GALNT1: variants seen among roughly 807,000 people sequenced by gnomAD.
GALNT1 encodes the protein GalNAc transferase 1.
A neutral mutation model predicts 65.7 loss-of-function variants in GALNT1; 17 were observed. That is an observed-to-expected ratio of 0.26 (90% CI 0.18 to 0.39). The LOEUF (loss-of-function observed/expected upper bound fraction) is 0.39. Ranked by LOEUF, GALNT1 falls within the 10% of genes least tolerant of loss-of-function variation. GALNT1 has a pLI of 1.00. For missense variants in GALNT1, 460 were observed against 672.8 expected (o/e 0.68, Z 3.50); for synonymous variants, 210 against 219.7 (o/e 0.96, Z 0.39).
At chr18:35,665,677 C>T (rs2047540199) in intron 3 of GALNT1, among the ~76,000 whole-genome samples, 1 of 152,188 alleles carries the variant, frequency 6.6e-6, no homozygotes, top group Non-Finnish European at 1.5e-5. Flanking sequence ...TCAGACTTCT[C>T]AGCAACTCTA....
intron 1 of GALNT1, among the ~76,000 whole-genome samples, chr18:35,642,534 T>C (rs926037892): frequency 6.6e-6 from 1 of 152,230 alleles, no homozygotes. Context: ...CATGTTCTTA[T>C]TGTTAAACCA....
intron 1 of GALNT1, among the ~76,000 whole-genome samples, chr18:35,630,207 T>G (rs1043345465): frequency 1.3e-5 from 2 of 152,168 alleles, no homozygotes; most frequent in African/African-American, 4.8e-5. Context: ...GTGGACCTAA[T>G]AGACATCTAC....
At chr18:35,630,387 G>A (rs1290486258) in intron 1 of GALNT1, among the ~76,000 whole-genome samples, 2 of 152,140 alleles carry the variant, frequency 1.3e-5, no homozygotes, top group Non-Finnish European at 2.9e-5. Flanking sequence ...CTAGAACTCA[G>A]GATTAAGAAA....
At chr18:35,632,618 A>G (rs1436147088) in intron 1 of GALNT1, among the ~76,000 whole-genome samples, 1 of 152,216 alleles carries the variant, frequency 6.6e-6, no homozygotes, top group Admixed American at 6.5e-5. Context: ...CCAAGGCAAT[A>G]CCATTCAGGA....
At chr18:35,671,382 A>G (rs1371378306) in intron 3 of GALNT1, among the ~76,000 whole-genome samples, 2 of 152,068 alleles carry the variant, frequency 1.3e-5, no homozygotes, top group South Asian at 2.1e-4. Flanking sequence ...ACACTCGGCT[A>G]ATTTTTTAAA....
At chr18:35,684,155 G>T (rs2047831221) in intron 5 of GALNT1, among the ~76,000 whole-genome samples, 1 of 152,192 alleles carries the variant, frequency 6.6e-6, no homozygotes, top group African/African-American at 2.4e-5. Context: ...CTTAGTTCTT[G>T]TGCATCAGGA....
intron 1 of GALNT1, among the ~76,000 whole-genome samples, chr18:35,604,649 C>T (rs1353925028): frequency 6.6e-6 from 1 of 152,168 alleles, no homozygotes; most frequent in Non-Finnish European, 1.5e-5. Context: ...TTTTGATTTG[C>T]ATTTCTCTAA....
At chr18:35,663,559 A>G (rs2047505644) in intron 2 of GALNT1, 69 bp from the exon 3 acceptor site, 7 of 1,474,768 alleles carry the variant, frequency 4.7e-6, no homozygotes, top group East Asian at 4.6e-5. Context: ...CACAAATGTT[A>G]TTAAATAGAA....
At chr18:35,584,803 A>G (rs574708428) in intron 1 of GALNT1, among the ~76,000 whole-genome samples, 2 of 152,234 alleles carry the variant, frequency 1.3e-5, no homozygotes, top group South Asian at 4.1e-4. Context: ...GCCGCTGGTG[A>G]TCTGACCGGA....
intron 1 of GALNT1, among the ~76,000 whole-genome samples, chr18:35,650,621 C>G (rs476409): frequency 1 from 151,604 of 152,310 alleles, 75,455 homozygotes; most frequent in East Asian, 1. Flanking sequence ...CCTTGGGAAA[C>G]CATTCTCTTT....
intron 2 of GALNT1, among the ~76,000 whole-genome samples, chr18:35,658,730 G>A (rs2047433022): frequency 7.1e-6 from 1 of 140,000 alleles, no homozygotes; most frequent in South Asian, 2.4e-4. Flanking sequence ...TTTTTTTAAA[G>A]ACAGAGTCTT....
chr18:35,688,308 C>G (rs1410983834), intron 6 of GALNT1, among the ~76,000 whole-genome samples: 1 of 152,016 alleles, frequency 6.6e-6, no homozygotes, highest in Non-Finnish European at 1.5e-5. Context: ...ACAACTGTTT[C>G]CTCTGGAAAG....
At chr18:35,696,833 G>C (rs1014559704) in intron 9 of GALNT1, among the ~76,000 whole-genome samples, 4 of 152,150 alleles carry the variant, frequency 2.6e-5, no homozygotes, top group Non-Finnish European at 5.9e-5. Context: ...AATCTAACCA[G>C]TATTTCCCTT....
chr18:35,604,037 A>G (rs562882383), intron 1 of GALNT1, among the ~76,000 whole-genome samples: 1 of 152,108 alleles, frequency 6.6e-6, no homozygotes, highest in East Asian at 1.9e-4. Context: ...TGTAGTGAGC[A>G]TAGTACTTGA....
At chr18:35,621,954 T>G (rs1380701239) in intron 1 of GALNT1, among the ~76,000 whole-genome samples, 1 of 152,190 alleles carries the variant, frequency 6.6e-6, no homozygotes. Context: ...TGTCTGCCTG[T>G]GTATGACACC....
At chr18:35,639,564 G>A (rs867458933) in intron 1 of GALNT1, among the ~76,000 whole-genome samples, 1 of 152,094 alleles carries the variant, frequency 6.6e-6, no homozygotes, top group South Asian at 2.1e-4. Context: ...TATGCCTGTA[G>A]CGAAACTTCA....
chr18:35,668,703 T>C (rs1393294960), intron 3 of GALNT1, among the ~76,000 whole-genome samples: 1 of 152,148 alleles, frequency 6.6e-6, no homozygotes, highest in East Asian at 1.9e-4. Flanking sequence ...TGCTATACAG[T>C]ATTGTGCCTG....
chr18:35,672,007 A>C (rs937947364), intron 3 of GALNT1, among the ~76,000 whole-genome samples: 1 of 152,100 alleles, frequency 6.6e-6, no homozygotes, highest in African/African-American at 2.4e-5. Flanking sequence ...TTCCTTTTCA[A>C]ATTGTCTCTA....
chr18:35,597,939 G>A (rs2046525146), intron 1 of GALNT1, among the ~76,000 whole-genome samples: 1 of 149,256 alleles, frequency 6.7e-6, no homozygotes, highest in African/African-American at 2.5e-5. Flanking sequence ...ATATATCATT[G>A]TTAACTATAG....
Sources: gnomAD v4.1 joint callset for allele counts (sites outside exome capture counted in the v4.1 genomes callset) on GRCh38, gnomAD v4.1.1 for gene constraint, MANE v1.5 for transcripts, NCBI Gene and HGNC (gene_info 2026-07-23, HGNC 2026-07-21) for gene names.